MFN1: variants seen among roughly 807,000 people sequenced by gnomAD.
MFN1 encodes the protein mitofusin 1.
MFN1 carries 65 observed loss-of-function variants against 92.4 expected under a neutral mutation model. That is an observed-to-expected ratio of 0.70 (90% confidence interval 0.58 to 0.86). MFN1 has a LOEUF of 0.86. MFN1 is among the 40% of genes least tolerant of loss of function. The pLI is 0.00. For synonymous variants in MFN1, 297 were observed against 300.9 expected (o/e 0.99, Z 0.13); for missense variants, 781 against 868.0 (o/e 0.90, Z 1.26).
intron 7 of MFN1, 93 bp downstream of exon 7, chr3:179,365,318 T>C: frequency 1.4e-6 from 1 of 711,420 alleles, no homozygotes; most frequent in South Asian, 2.3e-5. Context: ...TAGAAAATTA[T>C]AAGAGCTATT....
At chr3:179,382,850 A>T (rs988776372) in intron 14 of MFN1, among the ~76,000 whole-genome samples, 3 of 152,096 alleles carry the variant, frequency 2.0e-5, no homozygotes, top group Non-Finnish European at 4.4e-5. Flanking sequence ...TCACGTGTCT[A>T]TTGGCTGCAT....
At chr3:179,349,008 A>T in intron 2 of MFN1, 45 bp downstream of exon 2, 1 of 1,485,052 alleles carries the variant, frequency 6.7e-7, no homozygotes, top group South Asian at 1.2e-5. Flanking sequence ...TTGAAAATAT[A>T]TAAAAGTGCT....
chr3:179,357,641 T>C (rs1712395726), intron 3 of MFN1, among the ~76,000 whole-genome samples: 1 of 152,208 alleles, frequency 6.6e-6, no homozygotes, highest in Non-Finnish European at 1.5e-5. Flanking sequence ...GGGACTTGGG[T>C]TGACTTAATG....
chr3:179,357,777 C>G (rs993362086), intron 3 of MFN1, among the ~76,000 whole-genome samples: 6 of 152,138 alleles, frequency 3.9e-5, no homozygotes, highest in Admixed American at 6.5e-5. Context: ...TTATTATGTT[C>G]ACTGATTCTG....
At chr3:179,378,958 A>T in intron 14 of MFN1, 144 bp downstream of exon 14, 1 of 711,338 alleles carries the variant, frequency 1.4e-6, no homozygotes, top group South Asian at 2.1e-5. Flanking sequence ...GTAGATATTT[A>T]GTTTGAGCAT....
intron 3 of MFN1, among the ~76,000 whole-genome samples, chr3:179,352,437 C>T (rs1712184234): frequency 6.6e-6 from 1 of 152,112 alleles, no homozygotes; most frequent in African/African-American, 2.4e-5. Flanking sequence ...TCTGAGATAA[C>T]TATTTCCAAG....
chr3:179,384,347 T>C (rs905445604), intron 14 of MFN1, among the ~76,000 whole-genome samples: 61 of 152,196 alleles, frequency 4.0e-4, no homozygotes, highest in African/African-American at 1.4e-3. Context: ...TAGGTTCTAA[T>C]GGGTATAGAG....
intron 2 of MFN1, among the ~76,000 whole-genome samples, 154 bp downstream of exon 2, chr3:179,349,117 A>C (rs1010509389): frequency 6.6e-6 from 1 of 152,244 alleles, no homozygotes; most frequent in Non-Finnish European, 1.5e-5. Context: ...AACCTCCAGA[A>C]GGGGAAAATT....
At position 179,392,288 on chromosome 3, in the gene MFN1, A is replaced by T; in HGVS notation, c.*229A>T. ...AAAGAAAAGGCTAAAATCATGAATT[A>T]GTTACAAGCAACAGTACCAACTTAT... On this transcript the variant is annotated 3_prime_UTR_variant, in exon 18 of 18. Transcript: ENST00000471841. 1 of 345,192 alleles carries T rather than the reference A, an allele frequency of 2.9e-6. No individual in the cohort carries two copies. Among genetic ancestry groups the T allele is most frequent in the Non-Finnish European group, 5.2e-6 (1 of 191,202 alleles). The allele number at this position is 345,192 out of a possible 1,614,324, so 21.4% of individuals were successfully genotyped here.
intron 9 of MFN1, among the ~76,000 whole-genome samples, chr3:179,373,983 A>C (rs1342961729): frequency 6.6e-6 from 1 of 151,550 alleles, no homozygotes; most frequent in Non-Finnish European, 1.5e-5. Context: ...CAATTTTATA[A>C]ATTTTAAATG....
chr3:179,377,012 G>T, intron 10 of MFN1, 30 bp from the exon 11 acceptor site: 1 of 1,609,950 alleles, frequency 6.2e-7, no homozygotes, highest in South Asian at 1.1e-5. Flanking sequence ...AGACTACCCT[G>T]AACGTTGATT....
chr3:179,388,479 A>T (rs1242066221), intron 16 of MFN1, among the ~76,000 whole-genome samples: 1 of 152,210 alleles, frequency 6.6e-6, no homozygotes, highest in Non-Finnish European at 1.5e-5. Flanking sequence ...TGGTAAAAAT[A>T]TATAGAACTC....
chr3:179,380,578 T>C (rs1379388466), intron 14 of MFN1, among the ~76,000 whole-genome samples: 1 of 152,230 alleles, frequency 6.6e-6, no homozygotes, highest in African/African-American at 2.4e-5. Context: ...GATTTTGTTA[T>C]TCCTTGACAA....
intron 14 of MFN1, among the ~76,000 whole-genome samples, chr3:179,382,701 G>C (rs1055181856): frequency 5.3e-5 from 8 of 152,174 alleles, no homozygotes; most frequent in South Asian, 2.1e-4. Flanking sequence ...GTGTAAAAGT[G>C]TTCCTATTTC....
At position 179,393,708 on chromosome 3, in the gene MFN1, C is replaced by G. The variant is rs1713991332; in HGVS notation, c.*1649C>G. ...CAACTACAACATGGAAAAACAGTGT[C>G]TAAGATCACGTACTGCTAATTTAGG... On this transcript the variant is annotated 3_prime_UTR_variant, in exon 18 of 18. Transcript: ENST00000471841. 6.6e-6 allele frequency: 1 copy of G among 152,184 alleles called. No homozygotes were observed. Among genetic ancestry groups the G allele is most frequent in the Non-Finnish European group, 1.5e-5 (1 of 68,042 alleles). The allele number at this position is 152,184 out of a possible 1,614,324, so 9.4% of individuals were successfully genotyped here.
chr3:179,364,576 T>C (rs1712711227), intron 6 of MFN1, among the ~76,000 whole-genome samples, 171 bp downstream of exon 6: 1 of 152,190 alleles, frequency 6.6e-6, no homozygotes, highest in Admixed American at 6.5e-5. Context: ...TTCTAGTCTT[T>C]CTATAGTGTG....
intron 14 of MFN1, among the ~76,000 whole-genome samples, chr3:179,382,828 A>G (rs1382957565): frequency 6.6e-6 from 1 of 152,178 alleles, no homozygotes; most frequent in Non-Finnish European, 1.5e-5. Context: ...GCCAGTGATG[A>G]TGAACATTTT....
intron 8 of MFN1, 98 bp from the exon 9 acceptor site, chr3:179,367,938 A>ATT (rs1201170123): frequency 2.0e-6 from 1 of 498,716 alleles, no homozygotes; most frequent in Admixed American, 5.3e-5. Context: ...GAAAAAGTAT[A>ATT]TATATATATA....
At chr3:179,354,894 A>T (rs1712288291) in intron 3 of MFN1, among the ~76,000 whole-genome samples, 1 of 152,144 alleles carries the variant, frequency 6.6e-6, no homozygotes. Context: ...TCCCGGCTTC[A>T]AGCGATTCTC....
Sources: allele counts gnomAD v4.1 joint callset (sites outside exome capture counted in the v4.1 genomes callset), GRCh38; gene constraint gnomAD v4.1.1; transcripts MANE v1.5; gene names NCBI Gene and HGNC (gene_info 2026-07-23, HGNC 2026-07-21).